The following MCM10 variants were observed in gnomAD, a reference collection of about 807,000 sequenced individuals.
MCM10 encodes the protein protein MCM10 homolog.
Under a neutral mutation model 109.9 loss-of-function variants are expected in MCM10, and 91 were observed. The observed-to-expected ratio is 0.83, with a 90% CI of 0.70 to 0.99. MCM10 has a LOEUF of 0.99. Among genes scored for constraint, MCM10 ranks in the 50% least tolerant of loss-of-function variants. MCM10 has a pLI of 0.00. For synonymous variants in MCM10, 380 were observed against 387.2 expected (o/e 0.98, Z 0.22); for missense variants, 1,077 against 1,061.2 (o/e 1.01, Z -0.21).
Position 13,188,996 on chromosome 10 carries a change from G to T in MCM10, c.1331G>T (p.Arg444Leu), listed in dbSNP as rs755322729. 1.2e-6 allele frequency: 2 copies of T among 1,614,210 alleles called. No homozygotes were observed. The highest frequency in any genetic ancestry group is 1.7e-5 in the Admixed American group (1 of 60,010). The change falls in exon 10 of 20, where the codon CGC becomes CTC. Residue 444 changes from arginine to leucine, a missense_variant. Arg to Leu is a moderately radical substitution (Grantham distance 102, BLOSUM62 -2). Transcript: ENST00000378714. Reference sequence around the variant, plus strand: ...GGACGAATTCCAAAGAAGTTTGCCCGCAGAGGCACCAGCCTCAAAGAACGG... The same window carrying T: ...GGACGAATTCCAAAGAAGTTTGCCCTCAGAGGCACCAGCCTCAAAGAACGG... Reference protein sequence around the residue: ...SGGRIPKKFARRGTSLKERLC... With the variant: ...SGGRIPKKFALRGTSLKERLC...
At chr10:13,175,384 G>A (rs371986480) in intron 5 of MCM10, 126 bp from the exon 6 acceptor site, 1 of 719,040 alleles carries the variant, frequency 1.4e-6, no homozygotes, top group African/African-American at 1.8e-5. Flanking sequence ...CGCCACCATT[G>A]CACTCCTGCC....
At position 13,167,834 on chromosome 10, in the gene MCM10, C is replaced by G. The variant is rs182948585; in HGVS notation, c.8-3088C>G. Among the ~76,000 whole-genome samples, 362 of 152,312 alleles carry G rather than the reference C, an allele frequency of 2.4e-3. 1 individual carries two copies. Among genetic ancestry groups the G allele is most frequent in the Non-Finnish European group, 4.0e-3 (275 of 68,024 alleles). On this transcript the variant is annotated intron_variant, in intron 2 of 19. Transcript: ENST00000378714. ...CATGTGAGGTGTGAACAATTAAATG[C>G]TTTCCATTCAAGAGGCTTCCAGGGG...
intron 6 of MCM10, among the ~76,000 whole-genome samples, chr10:13,178,936 G>A (rs772290922): frequency 2.2e-4 from 34 of 152,156 alleles, no homozygotes; most frequent in Non-Finnish European, 4.4e-4. Context: ...TTGGTTAAGT[G>A]TATTCCTAGG....
rs187097314 is a variant in MCM10 at position 13,173,822 on chromosome 10, G to T, written c.592+1057G>T. On this transcript the variant is annotated intron_variant, in intron 5 of 19. Coordinates refer to ENST00000378714, the MANE Select transcript of MCM10 (RefSeq NM_018518.5). ...TTTGGTTTTAAGGGGTGGGGAATGG[G>T]CCTGGCCTCTAGGTTCTAAAGTTCT... is the stretch of plus-strand genomic sequence containing the variant. Among the ~76,000 whole-genome samples, 22 of 152,254 alleles carry T rather than the reference G, an allele frequency of 1.4e-4. No homozygotes were observed. In the East Asian group the frequency reaches 4.2e-3, roughly 29 times the overall value.
chr10:13,205,409 A>G (rs1373084486), intron 18 of MCM10, among the ~76,000 whole-genome samples: 1 of 151,940 alleles, frequency 6.6e-6, no homozygotes, highest in East Asian at 1.9e-4. Context: ...TATGTACCAC[A>G]TTTTCTTTAT....
At chr10:13,195,012 T>A (rs1342942079) in intron 13 of MCM10, 29 bp from the exon 14 acceptor site, 1 of 1,591,114 alleles carries the variant, frequency 6.3e-7, no homozygotes, top group Non-Finnish European at 8.6e-7. Context: ...AAACCCTGTT[T>A]GCGTATTTTG....
At position 13,191,389 on chromosome 10, in the gene MCM10, G is replaced by C. The variant is rs1438241290; in HGVS notation, c.1506G>C (p.Arg502=). ...KGTNLIIQET[R]QKLGIPQKSL... ...CAAACTTGATCATCCAGGAAACACG[G>C]CAAAAACTCGGTAACTTTGTTTTTC... Residue 502 remains arginine (R), a synonymous_variant, in exon 11 of 20, where the codon CGG becomes CGC. Coordinates refer to ENST00000378714, the MANE Select transcript of MCM10 (RefSeq NM_018518.5). The C allele has an allele frequency of 6.2e-7, 1 of 1,613,602 alleles. No homozygotes were observed. The highest frequency in any genetic ancestry group is 1.1e-5 in the South Asian group (1 of 91,074).
chr10:13,175,743 C>G, intron 6 of MCM10, 62 bp downstream of exon 6: 1 of 1,168,594 alleles, frequency 8.6e-7, no homozygotes, highest in South Asian at 1.5e-5. Flanking sequence ...CTCTCGGAGT[C>G]CTTTAGAAGT....
intron 18 of MCM10, among the ~76,000 whole-genome samples, chr10:13,207,935 A>G (rs1834605752): frequency 6.6e-6 from 1 of 152,146 alleles, no homozygotes; most frequent in Non-Finnish European, 1.5e-5. Flanking sequence ...AACCCTCTGA[A>G]ATCCAAGTAA....
intron 18 of MCM10, among the ~76,000 whole-genome samples, chr10:13,207,013 A>G (rs568451487): frequency 1.3e-5 from 2 of 152,154 alleles, no homozygotes; most frequent in African/African-American, 4.8e-5. Context: ...AGGTCTCACT[A>G]TGTTGTCCAG....
At chr10:13,202,231 C>G (rs1459725109) in intron 17 of MCM10, among the ~76,000 whole-genome samples, 12 of 152,138 alleles carry the variant, frequency 7.9e-5, no homozygotes, top group Non-Finnish European at 1.5e-5. Context: ...GTGGTGCACA[C>G]CTGTGGCTCC....
intron 5 of MCM10, among the ~76,000 whole-genome samples, chr10:13,173,774 G>A (rs905979261): frequency 2.6e-5 from 4 of 152,144 alleles, no homozygotes; most frequent in Admixed American, 2.6e-4. Flanking sequence ...TTACTAGGGT[G>A]TTGCATTAGG....
At chr10:13,169,241 T>C (rs893355634) in intron 2 of MCM10, among the ~76,000 whole-genome samples, 4 of 152,172 alleles carry the variant, frequency 2.6e-5, no homozygotes, top group African/African-American at 9.6e-5. Flanking sequence ...AGCTCGTCTA[T>C]GAAACCCCAT....
At chr10:13,187,812 A>G (rs1564387684) in intron 9 of MCM10, among the ~76,000 whole-genome samples, 1 of 152,132 alleles carries the variant, frequency 6.6e-6, no homozygotes, top group East Asian at 1.9e-4. Context: ...TTCAGAGTGA[A>G]GTACCCAACA....
At chr10:13,165,239 C>A (rs1833980084) in intron 2 of MCM10, among the ~76,000 whole-genome samples, 1 of 152,162 alleles carries the variant, frequency 6.6e-6, no homozygotes, top group African/African-American at 2.4e-5. Flanking sequence ...TGACAATATA[C>A]TGTAATAAAA....
chr10:13,200,938 T>G (rs1834489887), intron 16 of MCM10, among the ~76,000 whole-genome samples: 1 of 152,068 alleles, frequency 6.6e-6, no homozygotes, highest in South Asian at 2.1e-4. Context: ...TGAGGTCAGG[T>G]GTTTGAGACC....
At position 13,192,305 on chromosome 10, in the gene MCM10, G is replaced by T. The variant is rs1055778475; in HGVS notation, c.1567G>T (p.Asp523Tyr). 4.5e-5 allele frequency: 73 copies of T among 1,614,048 alleles called. No homozygotes were observed. In the Admixed American group the frequency reaches 9.8e-4, roughly 22 times the overall value. The change falls in exon 12 of 20, where the codon GAC becomes TAC. Residue 523 changes from aspartate to tyrosine, a missense_variant. Physicochemically the swap from Asp to Tyr is radical, Grantham distance 160. Coordinates refer to ENST00000378714, the MANE Select transcript of MCM10 (RefSeq NM_018518.5). Reference sequence around the variant, plus strand: ...CTCTGAGGAGTTCAAGGAACTGATGGACCTGCCGACGTGTGGAGCCAGGAA... The same window carrying T: ...CTCTGAGGAGTTCAAGGAACTGATGTACCTGCCGACGTGTGGAGCCAGGAA... ...SCSEEFKELM[D>Y]LPTCGARNLK...
chr10:13,178,528 C>A (rs1320816800), intron 6 of MCM10, among the ~76,000 whole-genome samples: 1 of 152,164 alleles, frequency 6.6e-6, no homozygotes, highest in African/African-American at 2.4e-5. Flanking sequence ...TTCTTTGCAC[C>A]TTTGTTGAAA....
In MCM10 at chr10:13,204,211, C is replaced by T. The variant is rs1301956992; in HGVS notation, c.2353-8C>T. The stretch of plus-strand genomic sequence containing the variant: ...CCGGCGGTGTGGGTTTTTTGTTGCT[C>T]TGTGCAGTGCGCCTATACCCACTTC... On this transcript the variant is annotated splice_polypyrimidine_tract_variant and splice_region_variant and intron_variant, in intron 17 of 19. Coordinates refer to ENST00000378714, the MANE Select transcript of MCM10 (RefSeq NM_018518.5). 2.5e-6 allele frequency: 4 copies of T among 1,612,908 alleles called. No homozygotes were observed. The East Asian group carries it at 8.9e-5, about 36-fold the overall frequency.
Sources: allele counts gnomAD v4.1 joint callset (sites outside exome capture counted in the v4.1 genomes callset), GRCh38; gene constraint gnomAD v4.1.1; transcripts MANE v1.5; gene names NCBI Gene and HGNC (gene_info 2026-07-23, HGNC 2026-07-21).